Variants in TMPRSS11F observed in about 807,000 individuals in gnomAD.
The protein encoded by TMPRSS11F is transmembrane serine protease 11F.
A neutral mutation model predicts 60.2 loss-of-function variants in TMPRSS11F; 47 were observed. That is an observed-to-expected ratio of 0.78 (90% CI 0.62 to 1.00). The LOEUF (loss-of-function observed/expected upper bound fraction) is 1.00, where lower values mean the gene tolerates loss of function less well. Among genes scored for constraint, TMPRSS11F ranks in the 50% least tolerant of loss-of-function variants. The probability of loss-of-function intolerance (pLI) is 0.00; values close to 1 mark genes in which losing one functional copy is unlikely to be tolerated. For missense variants in TMPRSS11F, 519 were observed against 522.9 expected (o/e 0.99, Z 0.07); for synonymous variants, 166 against 167.3 (o/e 0.99, Z 0.06).
intron 3 of TMPRSS11F, among the ~76,000 whole-genome samples, chr4:68,089,744 A>G (rs1723885937): frequency 6.6e-6 from 1 of 152,112 alleles, no homozygotes; most frequent in Non-Finnish European, 1.5e-5. Context: ...ACAGTGAGGG[A>G]GAATGGGAAT....
intron 8 of TMPRSS11F, 95 bp downstream of exon 8, chr4:68,064,576 GGAAAGACCATTACT>G (rs1723280681): frequency 4.4e-5 from 57 of 1,299,242 alleles, no homozygotes; most frequent in Non-Finnish European, 5.8e-5. Context: ...CACACATACT[GGAAAGACCATTACT>G]TTTATTAAAA....
intron 6 of TMPRSS11F, 106 bp from the exon 7 acceptor site, chr4:68,068,925 C>A: frequency 4.5e-6 from 5 of 1,114,724 alleles, no homozygotes; most frequent in Non-Finnish European, 6.6e-6. Flanking sequence ...ACCATGTGAA[C>A]CATTCATAGC....
At chr4:68,125,443 A>T (rs1404448275) in intron 1 of TMPRSS11F, among the ~76,000 whole-genome samples, 1 of 152,158 alleles carries the variant, frequency 6.6e-6, no homozygotes, top group Non-Finnish European at 1.5e-5. Context: ...TTAGTCATAT[A>T]TGATACTGGA....
intron 1 of TMPRSS11F, among the ~76,000 whole-genome samples, chr4:68,119,093 C>T (rs186334466): frequency 2.0e-5 from 3 of 152,070 alleles, no homozygotes; most frequent in South Asian, 4.2e-4. Flanking sequence ...ATTGCTGATA[C>T]GGAGTAAGTT....
chr4:68,084,740 T>C (rs1723773631), intron 3 of TMPRSS11F, among the ~76,000 whole-genome samples: 1 of 151,954 alleles, frequency 6.6e-6, no homozygotes, highest in Admixed American at 6.6e-5. Context: ...TTATGTTCTT[T>C]TTTTTTATTA....
chr4:68,066,758 AC>A lies in TMPRSS11F; in HGVS notation c.756-1815del. On this transcript the variant is annotated intron_variant, in intron 7 of 9. Coordinates refer to ENST00000356291, the MANE Select transcript of TMPRSS11F (RefSeq NM_207407.2). Reference sequence around the variant, plus strand: ...AGACCATCCTGGTTAACACGGTGAAACCCTGTCACTACTAAAAATAAAAAAA... The same window carrying A: ...AGACCATCCTGGTTAACACGGTGAAACCTGTCACTACTAAAAATAAAAAAA... Among the ~76,000 whole-genome samples the A allele has an allele frequency of 2.6e-5, 4 of 151,876 alleles. No homozygotes were observed. In the East Asian group the frequency reaches 7.8e-4, roughly 29 times the overall value.
intron 1 of TMPRSS11F, among the ~76,000 whole-genome samples, chr4:68,101,136 T>A (rs1046875380): frequency 1.3e-5 from 2 of 152,166 alleles, no homozygotes; most frequent in African/African-American, 4.8e-5. Context: ...AAAGGGACTT[T>A]TTAAAAAATC....
intron 2 of TMPRSS11F, among the ~76,000 whole-genome samples, chr4:68,093,149 T>TAATGGCA (rs1184484574): frequency 3.3e-5 from 5 of 152,222 alleles, no homozygotes; most frequent in Admixed American, 3.3e-4. Flanking sequence ...TCGAATTTAA[T>TAATGGCA]AATGGCAAAT....
intron 4 of TMPRSS11F, among the ~76,000 whole-genome samples, chr4:68,073,498 A>T (rs1201965123): frequency 6.6e-6 from 1 of 152,176 alleles, no homozygotes; most frequent in Non-Finnish European, 1.5e-5. Context: ...TGAAAGAAAG[A>T]AGTGCAAGAG....
Position 68,096,800 on chromosome 4 carries a change from T to C in TMPRSS11F, c.163+2087A>G, listed in dbSNP as rs555364664. On this transcript the variant is annotated intron_variant, in intron 2 of 9. Transcript: ENST00000356291. ...ACTTTTACCACTATGTCTGCTGAAA[T>C]CCTTATTTCTATTGTGATTATTTTA... is the stretch of plus-strand genomic sequence containing the variant. Among the ~76,000 whole-genome samples, 4 of 152,312 alleles carry C rather than the reference T, an allele frequency of 2.6e-5. No individual in the cohort carries two copies. In the South Asian group the frequency reaches 6.2e-4, roughly 24 times the overall value.
At chr4:68,076,954 G>T (rs1373839471) in intron 3 of TMPRSS11F, among the ~76,000 whole-genome samples, 3 of 152,162 alleles carry the variant, frequency 2.0e-5, no homozygotes, top group Non-Finnish European at 4.4e-5. Context: ...GCACACAGGA[G>T]AACAGTAAAG....
At chr4:68,067,620 A>C (rs1475972509) in intron 7 of TMPRSS11F, among the ~76,000 whole-genome samples, 1 of 152,262 alleles carries the variant, frequency 6.6e-6, no homozygotes, top group African/African-American at 2.4e-5. Flanking sequence ...TGGGACTCAA[A>C]TTTGCCCATA....
rs757988739 is a variant in TMPRSS11F, at chr4:68,073,942, C to G, written c.350G>C (p.Ser117Thr). 9 of 1,563,642 alleles carry G rather than the reference C, an allele frequency of 5.8e-6. No homozygotes were observed. The South Asian group carries it at 6.0e-5, about 10-fold the overall frequency. The change falls in exon 4 of 10, where the codon AGT becomes ACT. Residue 117 changes from serine (S) to threonine (T), a missense_variant and splice_region_variant. Physicochemically the swap from Ser to Thr is moderately conservative, Grantham distance 58. Transcript: ENST00000356291. Reference protein sequence around the residue: ...RFIKSHVIKLSPDEQGVDILI... With the variant: ...RFIKSHVIKLTPDEQGVDILI... ...GAAATTATAAACCAAATTTACATAC[C>G]TTAATTTGATAACATGAGATTTGAT...
intron 3 of TMPRSS11F, among the ~76,000 whole-genome samples, chr4:68,081,868 T>A (rs1328569020): frequency 6.6e-6 from 1 of 152,082 alleles, no homozygotes; most frequent in Non-Finnish European, 1.5e-5. Context: ...GAACCATGAT[T>A]TAAAGTATTA....
rs113024640 is a variant in TMPRSS11F, at chr4:68,073,578, A to G, written c.350+364T>C. Among the ~76,000 whole-genome samples the G allele has an allele frequency of 5.1e-3, 772 of 152,352 alleles. 9 individuals are homozygous for G. The highest frequency in any genetic ancestry group is 0.018 in the African/African-American group (751 of 41,590). ...TGCACTGTCATGAAAGAAACACTTT[A>G]CTGTGGAGAAAGTCATTGTCTTCTG... is the stretch of plus-strand genomic sequence containing the variant. On this transcript the variant is annotated intron_variant, in intron 4 of 9. Coordinates refer to ENST00000356291, the MANE Select transcript of TMPRSS11F (RefSeq NM_207407.2).
intron 3 of TMPRSS11F, among the ~76,000 whole-genome samples, chr4:68,076,658 C>T (rs1004172518): frequency 2.0e-5 from 3 of 152,138 alleles, no homozygotes; most frequent in African/African-American, 7.2e-5. Context: ...GACCAGAGTC[C>T]TATTATCCCA....
chr4:68,057,867 A>ATT lies in TMPRSS11F; in HGVS notation c.1158+1458_1158+1459insAA, dbSNP rs57157408. The stretch of plus-strand genomic sequence containing the variant: ...ATAAAGATAATATGGTATATCTACA[A>ATT]AATAAATATTATGCAGCCATAAAAA... On this transcript the variant is annotated intron_variant, in intron 9 of 9. Coordinates refer to ENST00000356291, the MANE Select transcript of TMPRSS11F (RefSeq NM_207407.2). Among the ~76,000 whole-genome samples, 76 of 152,198 alleles carry ATT rather than the reference A, an allele frequency of 5.0e-4. No homozygotes were observed. The South Asian group carries it at 0.016, about 31-fold the overall frequency.
chr4:68,105,100 C>G (rs1165142289), intron 1 of TMPRSS11F, among the ~76,000 whole-genome samples: 2 of 84,642 alleles, frequency 2.4e-5, no homozygotes, highest in African/African-American at 4.7e-5. Context: ...GTATTGGTAT[C>G]AATTCTTCTT....
intron 1 of TMPRSS11F, among the ~76,000 whole-genome samples, chr4:68,122,027 T>G (rs565827708): frequency 6.6e-6 from 1 of 152,236 alleles, no homozygotes; most frequent in South Asian, 2.1e-4. Flanking sequence ...AAATAACCAC[T>G]TTTTTTATTT....
Sources: gnomAD v4.1 joint callset for allele counts (sites outside exome capture counted in the v4.1 genomes callset) on GRCh38, gnomAD v4.1.1 for gene constraint, MANE v1.5 for transcripts, NCBI Gene and HGNC (gene_info 2026-07-23, HGNC 2026-07-21) for gene names.